The following CLCN3 variants were observed in gnomAD, a reference collection of about 807,000 sequenced individuals.
CLCN3 encodes H(+)/Cl(-) exchange transporter 3.
A neutral mutation model predicts 83.4 loss-of-function variants in CLCN3; 16 were observed. The observed-to-expected ratio is 0.19, with a 90% CI of 0.13 to 0.29. The LOEUF is 0.29. Ranked by LOEUF, CLCN3 falls within the 10% of genes least tolerant of loss-of-function variation. CLCN3 has a pLI of 1.00. For synonymous variants in CLCN3, 322 were observed against 346.2 expected, an observed-to-expected ratio of 0.93 and a Z score of 0.78; for missense variants, 544 against 1,006.0, an observed-to-expected ratio of 0.54 and a Z score of 6.21.
At chr4:169,704,817 A>T (rs930471758) in intron 10 of CLCN3, among the ~76,000 whole-genome samples, 1 of 152,224 alleles carries the variant, frequency 6.6e-6, no homozygotes, top group Non-Finnish European at 1.5e-5. Context: ...TGGTGATAAT[A>T]TTAATGGTTG....
At chr4:169,667,912 A>G (rs565664119) in intron 2 of CLCN3, among the ~76,000 whole-genome samples, 1 of 150,230 alleles carries the variant, frequency 6.7e-6, no homozygotes, top group Non-Finnish European at 1.5e-5. Flanking sequence ...TGCCCGCCTG[A>G]TTTTTTTTAG....
intron 3 of CLCN3, among the ~76,000 whole-genome samples, chr4:169,680,993 C>T (rs1581243395): frequency 6.6e-6 from 1 of 152,036 alleles, no homozygotes; most frequent in African/African-American, 2.4e-5. Flanking sequence ...AGACTACAAA[C>T]GTACGCCACC....
chr4:169,643,009 A>G (rs1417525461), intron 2 of CLCN3: 1 of 152,164 alleles, frequency 6.6e-6, no homozygotes, highest in Non-Finnish European at 1.5e-5. Flanking sequence ...TCATCAATGT[A>G]TATTTTTTCT....
rs1443259094 is a variant in CLCN3, at chr4:169,722,938, C to T, written c.*2941C>T. Reference sequence around the variant, plus strand: ...TAATTTACCAATATAATAAGTGTAGCGCCTTGTTTGAATACCCTTTTTGAG... The same window carrying T: ...TAATTTACCAATATAATAAGTGTAGTGCCTTGTTTGAATACCCTTTTTGAG... On this transcript the variant is annotated 3_prime_UTR_variant, in exon 13 of 13. Transcript: ENST00000513761. 6.6e-6 allele frequency: 1 copy of T among 152,102 alleles called. No individual in the cohort carries two copies. The highest frequency in any genetic ancestry group is 1.5e-5 in the Non-Finnish European group (1 of 68,026). The allele number at this position is 152,102 out of a possible 1,614,324, so 9.4% of individuals were successfully genotyped here.
chr4:169,623,730 T>A (rs145023794), intron 1 of CLCN3, among the ~76,000 whole-genome samples: 2 of 152,320 alleles, frequency 1.3e-5, no homozygotes, highest in East Asian at 3.9e-4. Context: ...TTTGACTTTT[T>A]TTTTTAGATT....
At position 169,713,263 on chromosome 4, in the gene CLCN3, G is replaced by A; in HGVS notation, c.2334G>A (p.Leu778=). 1.2e-6 allele frequency: 2 copies of A among 1,614,018 alleles called. No homozygotes were observed. The highest frequency in any genetic ancestry group is 1.7e-6 in the Non-Finnish European group (2 of 1,179,906). ...MEIVVDIFRK[L]GLRQCLVTHN... ...TCGTGGTGGATATTTTCCGAAAGCT[G>A]GGACTGAGGCAGTGCCTTGTAACTC... The change falls in exon 12 of 13, where the codon CTG becomes CTA. Residue 778 remains leucine (L), a synonymous_variant. Coordinates refer to ENST00000513761, the MANE Select transcript of CLCN3 (RefSeq NM_001829.4).
At chr4:169,660,085 C>T in intron 2 of CLCN3, 3 of 1,037,632 alleles carry the variant, frequency 2.9e-6, no homozygotes, top group Non-Finnish European at 3.5e-6. Flanking sequence ...GTACTTGGAG[C>T]TTAGTCATTG....
chr4:169,679,242 C>T (rs1160561061), intron 2 of CLCN3, among the ~76,000 whole-genome samples: 1 of 151,838 alleles, frequency 6.6e-6, no homozygotes, highest in Non-Finnish European at 1.5e-5. Context: ...GCGCTCCTCA[C>T]ATCCCAGAGG....
rs1733695630 is a variant in CLCN3, at chr4:169,723,302, C to T, written c.*3305C>T. 6.6e-6 allele frequency: 1 copy of T among 152,152 alleles called. No homozygotes were observed. The highest frequency in any genetic ancestry group is 1.5e-5 in the Non-Finnish European group (1 of 68,036). 9.4% of individuals were successfully genotyped at this position (152,152 alleles called of 1,614,324 possible). The stretch of plus-strand genomic sequence containing the variant: ...CCCCAAAAAGGTAATAATTATAATG[C>T]TTCTCTCAGGTTACAAAGCATTTCT... On this transcript the variant is annotated 3_prime_UTR_variant, in exon 13 of 13. Coordinates refer to ENST00000513761, the MANE Select transcript of CLCN3 (RefSeq NM_001829.4).
At chr4:169,634,076 A>G (rs545308344) in intron 1 of CLCN3, among the ~76,000 whole-genome samples, 1 of 152,290 alleles carries the variant, frequency 6.6e-6, no homozygotes, top group South Asian at 2.1e-4. Context: ...TCTGCAGGCT[A>G]GGTGTCTCAA....
chr4:169,720,026 G>T lies in CLCN3; in HGVS notation c.*29G>T. ...TCACAGATGAGGAGAGAGAAGAAAC[G>T]GAAGAGGAAGTTTATTTGTTGAATA... On this transcript the variant is annotated 3_prime_UTR_variant, in exon 13 of 13. Coordinates refer to ENST00000513761, the MANE Select transcript of CLCN3 (RefSeq NM_001829.4). The T allele has an allele frequency of 6.2e-7, 1 of 1,613,408 alleles. No individual in the cohort carries two copies. Among genetic ancestry groups the T allele is most frequent in the Non-Finnish European group, 8.5e-7 (1 of 1,179,664 alleles).
At chr4:169,705,296 G>A (rs1732947611) in intron 10 of CLCN3, among the ~76,000 whole-genome samples, 1 of 152,180 alleles carries the variant, frequency 6.6e-6, no homozygotes, top group Non-Finnish European at 1.5e-5. Context: ...ACTCTAGAGA[G>A]TATATTTTGG....
At chr4:169,694,342 G>T (rs972615925) in intron 7 of CLCN3, among the ~76,000 whole-genome samples, 7 of 152,060 alleles carry the variant, frequency 4.6e-5, no homozygotes, top group African/African-American at 1.7e-4. Flanking sequence ...TATAGGTTAG[G>T]TTATCTACCC....
rs573573284 is a variant in CLCN3 at position 169,665,994 on chromosome 4, A to G, written c.161-14056A>G. On this transcript the variant is annotated intron_variant, in intron 2 of 12. Transcript: ENST00000513761. The stretch of plus-strand genomic sequence containing the variant: ...AAGGTTGTGTTGTTTTTTTTTTTTT[A>G]AGTTCAGTTCAGCAAATATATGTGG... 2.0e-3 allele frequency among the ~76,000 whole-genome samples: 289 copies of G among 141,492 alleles called. 1 individual carries two copies. Among genetic ancestry groups the G allele is most frequent in the Middle Eastern group, 0.011 (3 of 270 alleles). The allele number at this position is 141,492 out of a possible 152,430, so 92.8% of individuals were successfully genotyped here. A position where few individuals can be genotyped will look rare whatever the true frequency, so the allele number is the denominator to read the frequency against.
intron 7 of CLCN3, 65 bp downstream of exon 7, chr4:169,692,385 G>C: frequency 1.5e-6 from 1 of 687,302 alleles, no homozygotes; most frequent in Non-Finnish European, 2.1e-6. Context: ...TTTAAGTAAA[G>C]AATTTCTTAG....
chr4:169,705,088 C>T (rs552609290), intron 10 of CLCN3, among the ~76,000 whole-genome samples: 3 of 151,992 alleles, frequency 2.0e-5, no homozygotes, highest in Non-Finnish European at 4.4e-5. Context: ...CAAATATATA[C>T]AAGGTTAAAA....
intron 1 of CLCN3, among the ~76,000 whole-genome samples, chr4:169,627,268 T>G (rs1363612108): frequency 2.6e-5 from 4 of 152,208 alleles, no homozygotes; most frequent in East Asian, 1.9e-4. Flanking sequence ...CATACTTTTT[T>G]TGTGTGTGTG....
At chr4:169,655,640 A>T (rs916654750) in intron 2 of CLCN3, among the ~76,000 whole-genome samples, 1 of 152,126 alleles carries the variant, frequency 6.6e-6, no homozygotes, top group Non-Finnish European at 1.5e-5. Flanking sequence ...GACCGCAGGC[A>T]TGTGCCACTA....
At position 169,690,758 on chromosome 4, in the gene CLCN3, T is replaced by C. The variant is rs2150249295; in HGVS notation, c.729+106T>C. On this transcript the variant is annotated intron_variant, in intron 6 of 12. Coordinates refer to ENST00000513761, the MANE Select transcript of CLCN3 (RefSeq NM_001829.4). ...TTTCTGGAGGGAGGGGATAGTTTGTTCATAATATGAAAAAAAAATTTTTTT... is the reference window on the plus strand; with the variant it reads ...TTTCTGGAGGGAGGGGATAGTTTGTCCATAATATGAAAAAAAAATTTTTTT... The C allele has an allele frequency of 8.1e-6, 9 of 1,110,190 alleles. No homozygotes were observed. The South Asian group carries it at 1.6e-4, about 20-fold the overall frequency. The allele number at this position is 1,110,190 out of a possible 1,614,324, so 68.8% of individuals were successfully genotyped here. A position where few individuals can be genotyped will look rare whatever the true frequency, so the allele number is the denominator to read the frequency against.
Sources: gnomAD v4.1 joint callset for allele counts (sites outside exome capture counted in the v4.1 genomes callset) on GRCh38, gnomAD v4.1.1 for gene constraint, MANE v1.5 for transcripts, NCBI Gene and HGNC (gene_info 2026-07-23, HGNC 2026-07-21) for gene names.